ABCC4: variants seen among roughly 807,000 people sequenced by gnomAD.
ABCC4 encodes the protein ATP-binding cassette sub-family C member 4.
A neutral mutation model predicts 168.5 loss-of-function variants in ABCC4; 102 were observed. That is an observed-to-expected ratio of 0.61 (90% confidence interval 0.52 to 0.71). The LOEUF (loss-of-function observed/expected upper bound fraction) is 0.71. ABCC4 is among the 30% of genes least tolerant of loss of function. ABCC4 has a pLI of 0.00. For synonymous variants in ABCC4, 617 were observed against 590.7 expected (o/e 1.04, Z -0.65); for missense variants, 1,402 against 1,605.8 (o/e 0.87, Z 2.17).
chr13:95,083,619 C>A lies in ABCC4; in HGVS notation c.2536-329G>T, dbSNP rs1475442057. Among the ~76,000 whole-genome samples, 3 of 151,810 alleles carry A rather than the reference C, an allele frequency of 2.0e-5. No homozygotes were observed. The South Asian group carries it at 6.3e-4, about 32-fold the overall frequency. On this transcript the variant is annotated intron_variant, in intron 20 of 30. Transcript: ENST00000645237. ...TCCTCTCACTGCAGCCTCCCACTCC[C>A]GTGTTCAAGTGATTCTCCTGCCTCA... is the stretch of plus-strand genomic sequence containing the variant.
chr13:95,100,572 C>T (rs775144436), intron 20 of ABCC4, among the ~76,000 whole-genome samples: 2 of 152,170 alleles, frequency 1.3e-5, no homozygotes, highest in African/African-American at 4.8e-5. Flanking sequence ...CAAATATTTC[C>T]AGTAACTCAT....
chr13:95,194,250 G>A (rs1459659598), intron 9 of ABCC4, among the ~76,000 whole-genome samples: 1 of 152,216 alleles, frequency 6.6e-6, no homozygotes, highest in Non-Finnish European at 1.5e-5. Flanking sequence ...ACCACACGGT[G>A]AAACCCTTCA....
intron 1 of ABCC4, among the ~76,000 whole-genome samples, chr13:95,291,561 G>A (rs1475090891): frequency 6.6e-6 from 1 of 152,170 alleles, no homozygotes; most frequent in African/African-American, 2.4e-5. Context: ...CTACGAAAGT[G>A]TTCCAAGAAC....
chr13:95,029,233 GAGAGAGAGAGAGAGAGAGAGAA>G (rs1336030176), intron 30 of ABCC4, among the ~76,000 whole-genome samples: 7,977 of 19,462 alleles, frequency 0.41, 630 homozygotes, highest in Non-Finnish European at 0.46. Context: ...GAGAGAGAGA[GAGAGAGAGAGAGAGAGAGAGAA>G]AGAGAGAGAG....
In ABCC4 at chr13:95,021,127, T is replaced by C. The variant is rs1404672858; in HGVS notation, c.*448A>G. The C allele has an allele frequency of 1.3e-5, 2 of 154,944 alleles. No individual in the cohort carries two copies. The highest frequency in any genetic ancestry group is 4.8e-5 in the African/African-American group (2 of 41,470). 9.6% of individuals were successfully genotyped at this position (154,944 alleles called of 1,614,324 possible). A position where few individuals can be genotyped will look rare whatever the true frequency, so the allele number is the denominator to read the frequency against. ...AGAAGCCTTCAGGGGAAATAATGGA[T>C]CCTAGTTATGTCAAAGAAAACAATG... On this transcript the variant is annotated 3_prime_UTR_variant, in exon 31 of 31. Coordinates refer to ENST00000645237, the MANE Select transcript of ABCC4 (RefSeq NM_005845.5).
At chr13:95,101,288 G>A (rs981616609) in intron 20 of ABCC4, among the ~76,000 whole-genome samples, 1 of 152,144 alleles carries the variant, frequency 6.6e-6, no homozygotes, top group African/African-American at 2.4e-5. Context: ...GTAGCCTCAG[G>A]ACTAGTCCTT....
intron 20 of ABCC4, among the ~76,000 whole-genome samples, chr13:95,084,734 G>A (rs1566403508): frequency 6.6e-6 from 1 of 152,134 alleles, no homozygotes; most frequent in Non-Finnish European, 1.5e-5. Flanking sequence ...GATAACAATA[G>A]CAAATGACAT....
At chr13:95,236,628 T>A (rs1477794433) in intron 3 of ABCC4, among the ~76,000 whole-genome samples, 2 of 151,388 alleles carry the variant, frequency 1.3e-5, no homozygotes, top group African/African-American at 2.4e-5. Flanking sequence ...ACACTCTCTC[T>A]CACACACTTC....
chr13:95,040,976 CAGAGCGTTGTAAGGACGGGT>C (rs1320947682), intron 29 of ABCC4, among the ~76,000 whole-genome samples: 1 of 152,158 alleles, frequency 6.6e-6, no homozygotes, highest in Non-Finnish European at 1.5e-5. Context: ...AGGGAGAATC[CAGAGCGTTGTAAGGACGGGT>C]GTGCAGGGAC....
rs771504856 is a variant in ABCC4 at position 95,166,193 on chromosome 13, G to A, written c.1999C>T (p.Pro667Ser). Residue 667 changes from proline to serine, a missense_variant, in exon 15 of 31, where the codon CCC becomes TCC. Around this residue, in one of 3 missense-constraint regions of ABCC4, gnomAD observed 1,007 missense variants for 1,127.3 expected, o/e 0.89. Coordinates refer to ENST00000645237, the MANE Select transcript of ABCC4 (RefSeq NM_005845.5). The part of the protein sequence containing the change: ...SSVWSQQSSR[P>S]SLKDGALESQ... ...TCCAGAGCACCATCTTTCAAGGAGGGTCTAGAAGATTGTTGAGACCAAACC... is the reference window on the plus strand; with the variant it reads ...TCCAGAGCACCATCTTTCAAGGAGGATCTAGAAGATTGTTGAGACCAAACC... 1.2e-6 allele frequency: 2 copies of A among 1,614,018 alleles called. No individual in the cohort carries two copies. Among genetic ancestry groups the A allele is most frequent in the Non-Finnish European group, 1.7e-6 (2 of 1,180,018 alleles).
intron 20 of ABCC4, among the ~76,000 whole-genome samples, chr13:95,105,343 G>A (rs564143210): frequency 1.2e-3 from 177 of 152,184 alleles, no homozygotes; most frequent in African/African-American, 3.4e-3. Context: ...GTTCCTAACA[G>A]GCCACACAGA....
chr13:95,267,174 G>A (rs7323283), intron 1 of ABCC4, among the ~76,000 whole-genome samples: 14,004 of 151,954 alleles, frequency 0.092, 1,413 homozygotes, highest in African/African-American at 0.25. Context: ...GAGCCATTGC[G>A]CCTGGCCATC....
At chr13:95,282,795 A>G (rs2041160030) in intron 1 of ABCC4, among the ~76,000 whole-genome samples, 1 of 152,044 alleles carries the variant, frequency 6.6e-6, no homozygotes, top group Non-Finnish European at 1.5e-5. Flanking sequence ...GGCCTCCCAA[A>G]GTGCTGGGAT....
chr13:95,162,731 G>A (rs1249558211), intron 18 of ABCC4, among the ~76,000 whole-genome samples: 1 of 152,140 alleles, frequency 6.6e-6, no homozygotes, highest in African/African-American at 2.4e-5. Flanking sequence ...TAAAAGCCAG[G>A]GTTTATTTAG....
intron 7 of ABCC4, 33 bp downstream of exon 7, chr13:95,207,767 C>A: frequency 6.3e-7 from 1 of 1,588,880 alleles, no homozygotes; most frequent in Non-Finnish European, 8.5e-7. Flanking sequence ...TAGAAAAATA[C>A]AAAAATATGG....
chr13:95,199,433 C>G (rs1751025), intron 8 of ABCC4, among the ~76,000 whole-genome samples: 47,594 of 152,102 alleles, frequency 0.31, 7,505 homozygotes, highest in Admixed American at 0.35. Flanking sequence ...ATCAGTGGGT[C>G]TTGTAGCAAA....
intron 1 of ABCC4, among the ~76,000 whole-genome samples, chr13:95,253,153 G>A (rs866084949): frequency 2.0e-5 from 3 of 152,038 alleles, no homozygotes; most frequent in African/African-American, 7.3e-5. Context: ...TTAGTGCACG[G>A]CCAACCATGA....
chr13:95,293,273 G>A (rs943197179), intron 1 of ABCC4, among the ~76,000 whole-genome samples: 9 of 151,672 alleles, frequency 5.9e-5, no homozygotes, highest in African/African-American at 2.2e-4. Context: ...CAGGAGAATC[G>A]CTTGAGCCCG....
At chr13:95,299,937 GT>G (rs1312131244) in intron 1 of ABCC4, among the ~76,000 whole-genome samples, 1 of 152,164 alleles carries the variant, frequency 6.6e-6, no homozygotes, top group African/African-American at 2.4e-5. Flanking sequence ...CGCCTACTGG[GT>G]TCAAGCAATT....
Sources: gnomAD v4.1 joint callset for allele counts (sites outside exome capture counted in the v4.1 genomes callset) on GRCh38, gnomAD v4.1.1 for gene constraint, gnomAD v4.1.1 regional missense constraint, MANE v1.5 for transcripts, NCBI Gene and HGNC (gene_info 2026-07-23, HGNC 2026-07-21) for gene names.